Variants in CDC5L observed in about 807,000 individuals in gnomAD.
CDC5L encodes cell division cycle 5-like protein.
Under a neutral mutation model 104.1 loss-of-function variants are expected in CDC5L, and 18 were observed. That is an observed-to-expected ratio of 0.17 (90% CI 0.12 to 0.26). The LOEUF is 0.26. Ranked by LOEUF, CDC5L falls within the 10% of genes least tolerant of loss-of-function variation. CDC5L has a pLI of 1.00. For missense variants in CDC5L, 673 were observed against 956.9 expected (o/e 0.70, Z 3.91); for synonymous variants, 331 against 322.7 (o/e 1.03, Z -0.28).
chr6:44,424,431 C>T lies in CDC5L; in HGVS notation c.1417C>T (p.Arg473Ter). The change falls in exon 11 of 16, where the codon CGA becomes TGA. Residue 473 changes from arginine to a stop codon, truncating the protein, a stop_gained. Coordinates refer to ENST00000371477, the MANE Select transcript of CDC5L (RefSeq NM_001253.4). LOFTEE classifies it high-confidence loss of function. The stretch of plus-strand genomic sequence containing the variant: ...TTCTTTTCTACAGGAAAGAGAATCC[C>T]GAGAACATCTCCGTTTAGGGTTGTT... ...SYVKQMERES[R>*]EHLRLGLLGL... 1 of 1,612,696 alleles carries T rather than the reference C, an allele frequency of 6.2e-7. No individual in the cohort carries two copies. Among genetic ancestry groups the T allele is most frequent in the Non-Finnish European group, 8.5e-7 (1 of 1,179,046 alleles).
At chr6:44,407,503 A>G (rs1433810341) in intron 7 of CDC5L, among the ~76,000 whole-genome samples, 8 of 152,010 alleles carry the variant, frequency 5.3e-5, no homozygotes, top group African/African-American at 1.9e-4. Context: ...ATTTTTGTAT[A>G]TTTACTAGAG....
intron 9 of CDC5L, among the ~76,000 whole-genome samples, chr6:44,421,926 G>A (rs1302554196): frequency 1.3e-5 from 2 of 152,134 alleles, no homozygotes; most frequent in Admixed American, 1.3e-4. Context: ...ATCCTTGGGG[G>A]TGGGAACCAT....
chr6:44,429,015 CTT>C (rs922435895), intron 13 of CDC5L, among the ~76,000 whole-genome samples: 1,603 of 95,326 alleles, frequency 0.017, 1 homozygote, highest in African/African-American at 0.044. Flanking sequence ...GTTTCATTAG[CTT>C]TTTTTTTTTT....
chr6:44,416,399 C>T (rs575298697), intron 8 of CDC5L, among the ~76,000 whole-genome samples: 6 of 152,214 alleles, frequency 3.9e-5, no homozygotes, highest in African/African-American at 1.4e-4. Context: ...GTCACCAGGG[C>T]TGCCTGTAAA....
In CDC5L at chr6:44,401,623, A is replaced by G. The variant is rs146149228; in HGVS notation, c.540-2186A>G. ...GGAGGGAGTGGGTCTTGGTTTAAAT[A>G]TATATATTTTTCTCTTTTTTAAATT... is the stretch of plus-strand genomic sequence containing the variant. On this transcript the variant is annotated intron_variant, in intron 5 of 15. Transcript: ENST00000371477. Among the ~76,000 whole-genome samples the G allele has an allele frequency of 5.0e-3, 754 of 151,802 alleles. 3 individuals carry two copies. The highest frequency in any genetic ancestry group is 8.8e-3 in the Non-Finnish European group (596 of 67,938).
intron 8 of CDC5L, among the ~76,000 whole-genome samples, chr6:44,414,021 G>C (rs545458089): frequency 2.3e-4 from 35 of 152,216 alleles, no homozygotes; most frequent in African/African-American, 8.4e-4. Flanking sequence ...TTGTGTTTTT[G>C]ATTTGCATTT....
intron 14 of CDC5L, among the ~76,000 whole-genome samples, chr6:44,441,538 T>C (rs1793189221): frequency 6.6e-6 from 1 of 152,232 alleles, no homozygotes. Context: ...ACCTCCATAC[T>C]GTTTTCCATA....
Position 44,406,627 on chromosome 6 carries a change from C to T in CDC5L, c.903+160C>T, listed in dbSNP as rs149495698. ...ACACATAAAAACAAGTAATTGTGGG[C>T]TGGCTGTGGTGGCCCACACCTGTTA... On this transcript the variant is annotated intron_variant, in intron 7 of 15. Coordinates refer to ENST00000371477, the MANE Select transcript of CDC5L (RefSeq NM_001253.4). Among the ~76,000 whole-genome samples, 1,271 of 152,330 alleles carry T rather than the reference C, an allele frequency of 8.3e-3. 10 individuals carry two copies. The highest frequency in any genetic ancestry group is 0.022 in the South Asian group (104 of 4,828).
At chr6:44,422,604 A>T (rs752363794) in intron 9 of CDC5L, 43 bp from the exon 10 acceptor site, 1 of 1,319,408 alleles carries the variant, frequency 7.6e-7, no homozygotes, top group Non-Finnish European at 1.0e-6. Context: ...CACAATCCAA[A>T]TGTAAGTGGC....
chr6:44,441,850 G>T (rs1166770220), intron 14 of CDC5L, among the ~76,000 whole-genome samples: 1 of 148,560 alleles, frequency 6.7e-6, no homozygotes, highest in Non-Finnish European at 1.5e-5. Flanking sequence ...TTGTTTGTTT[G>T]TATATTTTGG....
chr6:44,413,357 G>T (rs1346728135), intron 8 of CDC5L, among the ~76,000 whole-genome samples: 3 of 151,924 alleles, frequency 2.0e-5, no homozygotes, highest in African/African-American at 4.8e-5. Context: ...ATATTCCATT[G>T]TATGAATATA....
chr6:44,407,414 C>T (rs1374288040), intron 7 of CDC5L, among the ~76,000 whole-genome samples: 1 of 152,032 alleles, frequency 6.6e-6, no homozygotes, highest in African/African-American at 2.4e-5. Context: ...GCAACCTCCG[C>T]CTTCCGCGTT....
intron 13 of CDC5L, among the ~76,000 whole-genome samples, chr6:44,429,259 A>T (rs1257829225): frequency 6.6e-6 from 1 of 152,082 alleles, no homozygotes; most frequent in East Asian, 1.9e-4. Flanking sequence ...TGGCCTCGTT[A>T]TCCGCCCACC....
At chr6:44,407,382 C>T (rs909642587) in intron 7 of CDC5L, among the ~76,000 whole-genome samples, 1 of 151,412 alleles carries the variant, frequency 6.6e-6, no homozygotes, top group South Asian at 2.1e-4. Flanking sequence ...GCTGGAGTAC[C>T]GTGGTGCCAT....
At chr6:44,400,876 A>G (rs1424475696) in intron 5 of CDC5L, among the ~76,000 whole-genome samples, 1 of 152,342 alleles carries the variant, frequency 6.6e-6, no homozygotes, top group Non-Finnish European at 1.5e-5. Flanking sequence ...GTCCTGGGGC[A>G]TAAGTTGCAC....
At chr6:44,436,155 T>TA (rs1431443043) in intron 14 of CDC5L, among the ~76,000 whole-genome samples, 2 of 152,192 alleles carry the variant, frequency 1.3e-5, no homozygotes, top group Non-Finnish European at 2.9e-5. Flanking sequence ...GATTAGCAAA[T>TA]AGCAGGTGTT....
intron 8 of CDC5L, among the ~76,000 whole-genome samples, chr6:44,417,675 G>A (rs982005036): frequency 4.6e-5 from 7 of 152,176 alleles, no homozygotes; most frequent in Non-Finnish European, 2.9e-5. Context: ...ACAGTGAAGG[G>A]ACTAAAGAGA....
rs1393790720 is a variant in CDC5L, at chr6:44,387,752, C to T, written c.-72C>T. 15 of 1,356,046 alleles carry T rather than the reference C, an allele frequency of 1.1e-5. No homozygotes were observed. The highest frequency in any genetic ancestry group is 2.5e-5 in the East Asian group (1 of 39,824). 84.0% of individuals were successfully genotyped at this position (1,356,046 alleles called of 1,614,324 possible). On this transcript the variant is annotated 5_prime_UTR_variant, in exon 1 of 16. Coordinates refer to ENST00000371477, the MANE Select transcript of CDC5L (RefSeq NM_001253.4). ...TTGGAGGAAGTGGCGGCTTTGAGTCCGGTGGCCCAATCGCTGTTACTACTT... is the reference window on the plus strand; with the variant it reads ...TTGGAGGAAGTGGCGGCTTTGAGTCTGGTGGCCCAATCGCTGTTACTACTT...
chr6:44,408,335 C>A (rs2153377951), intron 7 of CDC5L, 109 bp from the exon 8 acceptor site: 1 of 706,912 alleles, frequency 1.4e-6, no homozygotes, highest in Non-Finnish European at 2.3e-6. Flanking sequence ...CTCCTGGGCT[C>A]AAACAGTTTG....
Sources: gnomAD v4.1 joint callset for allele counts (sites outside exome capture counted in the v4.1 genomes callset) on GRCh38, gnomAD v4.1.1 for gene constraint, MANE v1.5 for transcripts, NCBI Gene and HGNC (gene_info 2026-07-23, HGNC 2026-07-21) for gene names.